SLC9A9: variants seen among roughly 807,000 people sequenced by gnomAD.
SLC9A9 encodes the protein sodium/hydrogen exchanger 9.
SLC9A9 carries 62 observed loss-of-function variants against 77.8 expected under a neutral mutation model. That is an observed-to-expected ratio of 0.80 (90% CI 0.65 to 0.98). The LOEUF (loss-of-function observed/expected upper bound fraction) is 0.98. Ranked by LOEUF, SLC9A9 falls within the 50% of genes least tolerant of loss-of-function variation. SLC9A9 has a pLI of 0.00. For synonymous variants in SLC9A9, 320 were observed against 283.5 expected (o/e 1.13, Z -1.29); for missense variants, 775 against 774.9 (o/e 1.00, Z 0.00).
intron 12 of SLC9A9, among the ~76,000 whole-genome samples, chr3:143,389,576 C>T (rs181654051): frequency 3.0e-4 from 45 of 152,258 alleles, no homozygotes; most frequent in Non-Finnish European, 3.8e-4. Context: ...AAGATAAAAC[C>T]GAAACTCAGG....
chr3:143,566,712 TA>T (rs1049486697), intron 8 of SLC9A9, among the ~76,000 whole-genome samples: 1 of 152,090 alleles, frequency 6.6e-6, no homozygotes, highest in Non-Finnish European at 1.5e-5. Flanking sequence ...CCTAGGAATC[TA>T]AAAATGGAAG....
chr3:143,313,041 G>A lies in SLC9A9; in HGVS notation c.1605-44061C>T, dbSNP rs577405751. The A allele has an allele frequency of 7.2e-5, 11 of 152,258 alleles. No homozygotes were observed. The East Asian group carries it at 2.1e-3, about 29-fold the overall frequency. 9.4% of individuals were successfully genotyped at this position (152,258 alleles called of 1,614,324 possible). ...TACACGAGAACAGAACATAGGCTGAGGAAGTTAAAAAAAACTCAACAAAAG... is the reference window on the plus strand; with the variant it reads ...TACACGAGAACAGAACATAGGCTGAAGAAGTTAAAAAAAACTCAACAAAAG... On this transcript the variant is annotated intron_variant, in intron 14 of 15. Coordinates refer to ENST00000316549, the MANE Select transcript of SLC9A9 (RefSeq NM_173653.4).
At chr3:143,342,612 C>T (rs1004226498) in intron 14 of SLC9A9, among the ~76,000 whole-genome samples, 2 of 152,160 alleles carry the variant, frequency 1.3e-5, no homozygotes, top group Admixed American at 1.3e-4. Context: ...ACCTTCAAGG[C>T]CAAACAGCTT....
chr3:143,421,441 A>T (rs1411034240), intron 12 of SLC9A9, among the ~76,000 whole-genome samples: 1 of 152,132 alleles, frequency 6.6e-6, no homozygotes, highest in Non-Finnish European at 1.5e-5. Flanking sequence ...AGAATAGAAA[A>T]CTCAGAAATA....
chr3:143,822,134 C>T (rs1006162960), intron 2 of SLC9A9, among the ~76,000 whole-genome samples: 3 of 152,218 alleles, frequency 2.0e-5, no homozygotes, highest in Non-Finnish European at 4.4e-5. Flanking sequence ...ACTCTGAGGG[C>T]TCATTCTAGC....
At chr3:143,636,253 T>C (rs2038518489) in intron 6 of SLC9A9, among the ~76,000 whole-genome samples, 4 of 152,218 alleles carry the variant, frequency 2.6e-5, no homozygotes, top group African/African-American at 9.7e-5. Context: ...TGTTAGATTT[T>C]TAAGATGCTA....
At chr3:143,794,248 A>C (rs2008306443) in intron 4 of SLC9A9, among the ~76,000 whole-genome samples, 1 of 152,190 alleles carries the variant, frequency 6.6e-6, no homozygotes, top group Non-Finnish European at 1.5e-5. Context: ...TGTAGACAGT[A>C]AAAATCAAGG....
intron 9 of SLC9A9, among the ~76,000 whole-genome samples, chr3:143,528,627 C>G (rs1193500222): frequency 6.6e-6 from 1 of 152,094 alleles, no homozygotes. Flanking sequence ...TGCTTAGCAC[C>G]ATGAAAACAG....
intron 4 of SLC9A9, 58 bp from the exon 5 acceptor site, chr3:143,693,365 G>C: frequency 7.6e-7 from 1 of 1,315,250 alleles, no homozygotes; most frequent in Non-Finnish European, 1.1e-6. Flanking sequence ...GTAAACCCAT[G>C]CTATCATAAG....
intron 4 of SLC9A9, among the ~76,000 whole-genome samples, chr3:143,746,299 T>C (rs1935195377): frequency 6.6e-6 from 1 of 152,190 alleles, no homozygotes; most frequent in Admixed American, 6.5e-5. Context: ...GGCAGTTCAT[T>C]TATTCAAATA....
intron 6 of SLC9A9, among the ~76,000 whole-genome samples, chr3:143,582,768 C>T (rs1471917709): frequency 2.0e-5 from 3 of 152,208 alleles, no homozygotes; most frequent in African/African-American, 7.2e-5. Flanking sequence ...TCAGGAGACT[C>T]AGCTTGAGTT....
intron 9 of SLC9A9, among the ~76,000 whole-genome samples, chr3:143,511,082 A>G (rs573650463): frequency 6.6e-6 from 1 of 152,294 alleles, no homozygotes; most frequent in South Asian, 2.1e-4. Flanking sequence ...GAAGATCGAG[A>G]AAAGAATGCC....
chr3:143,425,223 G>A (rs1259043684), intron 12 of SLC9A9, among the ~76,000 whole-genome samples: 1 of 147,172 alleles, frequency 6.8e-6, no homozygotes, highest in African/African-American at 2.5e-5. Flanking sequence ...ATAATCATTT[G>A]GTGTACACTT....
At chr3:143,785,014 C>T (rs146458001) in intron 4 of SLC9A9, among the ~76,000 whole-genome samples, 2 of 152,282 alleles carry the variant, frequency 1.3e-5, no homozygotes, top group Non-Finnish European at 2.9e-5. Context: ...TGATCTAGGA[C>T]TTCTAGACTC....
chr3:143,653,943 T>G (rs2038843484), intron 5 of SLC9A9, among the ~76,000 whole-genome samples: 1 of 152,108 alleles, frequency 6.6e-6, no homozygotes, highest in African/African-American at 2.4e-5. Flanking sequence ...AGTGAACGAA[T>G]AAGAGAGAAC....
At chr3:143,619,834 A>C (rs1456054806) in intron 6 of SLC9A9, among the ~76,000 whole-genome samples, 1 of 152,184 alleles carries the variant, frequency 6.6e-6, no homozygotes, top group Non-Finnish European at 1.5e-5. Context: ...AATAAATACC[A>C]TTTTCATCAT....
intron 3 of SLC9A9, among the ~76,000 whole-genome samples, chr3:143,796,192 C>A (rs1338777527): frequency 1.3e-5 from 2 of 152,144 alleles, no homozygotes; most frequent in Non-Finnish European, 2.9e-5. Flanking sequence ...TCAGGCCGTG[C>A]TCAAGTACTG....
chr3:143,718,621 C>T (rs1008980678), intron 4 of SLC9A9, among the ~76,000 whole-genome samples: 1 of 152,226 alleles, frequency 6.6e-6, no homozygotes, highest in African/African-American at 2.4e-5. Flanking sequence ...CACGTAACAG[C>T]TGAACAGGCA....
intron 6 of SLC9A9, among the ~76,000 whole-genome samples, chr3:143,634,059 T>C (rs1214886819): frequency 1.3e-5 from 2 of 152,214 alleles, no homozygotes; most frequent in Admixed American, 6.5e-5. Context: ...AAATTGAATG[T>C]CACTGTGGTC....
Sources: gnomAD v4.1 joint callset for allele counts (sites outside exome capture counted in the v4.1 genomes callset) on GRCh38, gnomAD v4.1.1 for gene constraint, MANE v1.5 for transcripts, NCBI Gene and HGNC (gene_info 2026-07-23, HGNC 2026-07-21) for gene names.